The following DOCK1 variants were observed in gnomAD, a reference collection of about 807,000 sequenced individuals.
DOCK1 encodes dedicator of cytokinesis 1, also known as dedicator of cytokinesis protein 1.
Under a neutral mutation model 262.7 loss-of-function variants are expected in DOCK1, and 138 were observed. The ratio of observed to expected loss-of-function variants is 0.53; its 90% CI spans 0.46 to 0.61. DOCK1 has a LOEUF of 0.61. DOCK1 is among the 20% of genes least tolerant of loss of function. DOCK1 has a pLI of 0.00. For synonymous variants in DOCK1, 866 were observed against 867.4 expected (o/e 1.00, Z 0.03); for missense variants, 1,908 against 2,370.7 (o/e 0.80, Z 4.05).
At chr10:127,111,681 C>T (rs764987309) in intron 25 of DOCK1, among the ~76,000 whole-genome samples, 21 of 152,042 alleles carry the variant, frequency 1.4e-4, no homozygotes, top group Admixed American at 4.6e-4. Context: ...TAAAATCCTC[C>T]GAAAATTTTA....
At chr10:127,017,058 C>T (rs201355049) in intron 12 of DOCK1, among the ~76,000 whole-genome samples, 1,963 of 76,780 alleles carry the variant, frequency 0.026, 3 homozygotes, top group South Asian at 0.044. Flanking sequence ...CACACACACA[C>T]AGATGCAGAC....
At chr10:127,382,539 C>T (rs1020624987) in intron 37 of DOCK1, among the ~76,000 whole-genome samples, 13 of 152,294 alleles carry the variant, frequency 8.5e-5, no homozygotes, top group Middle Eastern at 3.4e-3. Context: ...CATTTTGCCC[C>T]GTGCCACGTG....
At chr10:127,407,847 G>A (rs1201900848) in intron 40 of DOCK1, among the ~76,000 whole-genome samples, 1 of 151,956 alleles carries the variant, frequency 6.6e-6, no homozygotes, top group African/African-American at 2.4e-5. Flanking sequence ...CCCAACCCCA[G>A]ACTTCTGTTT....
At chr10:127,131,964 T>A (rs1159718358) in intron 27 of DOCK1, among the ~76,000 whole-genome samples, 1 of 152,210 alleles carries the variant, frequency 6.6e-6, no homozygotes, top group Non-Finnish European at 1.5e-5. Flanking sequence ...TAAAAAGAAC[T>A]CTGAAATTAA....
intron 10 of DOCK1, among the ~76,000 whole-genome samples, chr10:127,004,784 C>A (rs199983967): frequency 0.2 from 19,122 of 97,102 alleles, 3,368 homozygotes; most frequent in Non-Finnish European, 0.27. Context: ...CCCCCCGCCC[C>A]AAAAAAAAGA....
chr10:127,234,244 A>C (rs1030203133), intron 27 of DOCK1, among the ~76,000 whole-genome samples: 6 of 152,134 alleles, frequency 3.9e-5, no homozygotes, highest in African/African-American at 1.4e-4. Flanking sequence ...CAACACAAAA[A>C]TATTGACAGA....
intron 23 of DOCK1, among the ~76,000 whole-genome samples, chr10:127,077,485 G>A (rs1468459048): frequency 5.9e-5 from 9 of 152,198 alleles, no homozygotes; most frequent in African/African-American, 2.2e-4. Flanking sequence ...CCAGACATGG[G>A]CCTCTTTGTG....
chr10:127,049,968 C>CTTTTTTT (rs71941085), intron 21 of DOCK1, among the ~76,000 whole-genome samples: 47 of 100,024 alleles, frequency 4.7e-4, no homozygotes, highest in Admixed American at 7.2e-4. Context: ...AAACTGGCCT[C>CTTTTTTT]TTTTTTTTTT....
At chr10:127,208,653 T>G (rs978659731) in intron 27 of DOCK1, among the ~76,000 whole-genome samples, 2 of 152,172 alleles carry the variant, frequency 1.3e-5, no homozygotes, top group African/African-American at 4.8e-5. Flanking sequence ...AGCCAAGATT[T>G]CAAGACCCCG....
At chr10:126,923,062 T>C (rs771533904) in intron 1 of DOCK1, among the ~76,000 whole-genome samples, 23 of 152,006 alleles carry the variant, frequency 1.5e-4, no homozygotes, top group Admixed American at 3.3e-4. Flanking sequence ...TGAGCCGAGA[T>C]TGTGCCATTG....
At chr10:127,403,008 C>A in intron 38 of DOCK1, 47 bp from the exon 39 acceptor site, 2 of 1,526,782 alleles carry the variant, frequency 1.3e-6, no homozygotes, top group Non-Finnish European at 1.8e-6. Flanking sequence ...ACTCTTTGCA[C>A]AATTCAGGCC....
intron 29 of DOCK1, among the ~76,000 whole-genome samples, chr10:127,270,993 GTGTGTA>G (rs1196675526): frequency 1.1e-3 from 82 of 72,150 alleles, no homozygotes; most frequent in Admixed American, 2.2e-3. Context: ...AGTTATATAT[GTGTGTA>G]TGTGTGTGTG....
At chr10:126,985,490 G>C (rs1254157837) in intron 4 of DOCK1, among the ~76,000 whole-genome samples, 1 of 152,168 alleles carries the variant, frequency 6.6e-6, no homozygotes, top group African/African-American at 2.4e-5. Flanking sequence ...CAGAAGGGAG[G>C]AACCTAAGGT....
intron 26 of DOCK1, among the ~76,000 whole-genome samples, chr10:127,126,252 G>T (rs1445770289): frequency 2.0e-5 from 3 of 152,036 alleles, no homozygotes; most frequent in Non-Finnish European, 4.4e-5. Context: ...CTGCCACCAT[G>T]CCCAGCTAAT....
intron 33 of DOCK1, among the ~76,000 whole-genome samples, chr10:127,364,370 T>A (rs910023135): frequency 6.6e-6 from 1 of 152,176 alleles, no homozygotes; most frequent in Non-Finnish European, 1.5e-5. Context: ...TTTTTTAATT[T>A]TTTTTTTATT....
intron 29 of DOCK1, among the ~76,000 whole-genome samples, chr10:127,315,857 C>G (rs941387607): frequency 2.0e-5 from 3 of 152,040 alleles, no homozygotes; most frequent in Admixed American, 1.3e-4. Flanking sequence ...TGCCCCCATG[C>G]CGGGCCAATT....
At chr10:127,024,054 A>G (rs1033126050) in intron 14 of DOCK1, among the ~76,000 whole-genome samples, 5 of 152,080 alleles carry the variant, frequency 3.3e-5, no homozygotes, top group Non-Finnish European at 5.9e-5. Flanking sequence ...CTTAGAAGCT[A>G]TTGCCTCCTC....
At chr10:127,211,271 G>T (rs2134331099) in intron 27 of DOCK1, among the ~76,000 whole-genome samples, 1 of 152,326 alleles carries the variant, frequency 6.6e-6, no homozygotes, top group East Asian at 1.9e-4. Flanking sequence ...TATCAGGCAA[G>T]ACATTGTCTC....
chr10:127,421,999 C>T (rs948810534), intron 46 of DOCK1, among the ~76,000 whole-genome samples: 2 of 151,960 alleles, frequency 1.3e-5, no homozygotes, highest in Non-Finnish European at 2.9e-5. Flanking sequence ...GGGTATATAC[C>T]CAAATTTAGA....
Sources: gnomAD v4.1 joint callset for allele counts (sites outside exome capture counted in the v4.1 genomes callset) on GRCh38, gnomAD v4.1.1 for gene constraint, MANE v1.5 for transcripts, NCBI Gene and HGNC (gene_info 2026-07-23, HGNC 2026-07-21) for gene names.